The following MLIP variants were observed in gnomAD, a reference collection of about 807,000 sequenced individuals.
The protein encoded by MLIP is muscular LMNA-interacting protein.
A neutral mutation model predicts 84.8 loss-of-function variants in MLIP; 79 were observed. The ratio of observed to expected loss-of-function variants is 0.93; its 90% confidence interval spans 0.78 to 1.12. The LOEUF (loss-of-function observed/expected upper bound fraction) is 1.12, where lower values mean the gene tolerates loss of function less well. MLIP is among the 50% of genes most tolerant of loss of function. MLIP has a pLI of 0.00. For synonymous variants in MLIP, 504 were observed against 463.0 expected, an observed-to-expected ratio of 1.09 and a Z score of -1.14; for missense variants, 1,257 against 1,160.6, an observed-to-expected ratio of 1.08 and a Z score of -1.21.
intron 13 of MLIP, among the ~76,000 whole-genome samples, chr6:54,260,833 G>A (rs1029034263): frequency 9.2e-5 from 14 of 151,916 alleles, no homozygotes; most frequent in East Asian, 1.9e-4. Flanking sequence ...AAATTGCTTA[G>A]GATGGGGCTG....
intron 9 of MLIP, among the ~76,000 whole-genome samples, chr6:54,181,294 C>G (rs1322794807): frequency 6.6e-6 from 1 of 152,192 alleles, no homozygotes; most frequent in East Asian, 1.9e-4. Flanking sequence ...ACCAACACCA[C>G]CAGCACATGG....
upstream of MLIP, among the ~76,000 whole-genome samples, chr6:54,109,667 G>A (rs546466493): frequency 1.8e-4 from 27 of 152,060 alleles, no homozygotes; most frequent in South Asian, 4.8e-3. Context: ...TGCCCTCCAG[G>A]TGGCTGTAAC....
chr6:54,155,895 A>C (rs893666393), intron 5 of MLIP, among the ~76,000 whole-genome samples: 8 of 152,076 alleles, frequency 5.3e-5, no homozygotes, highest in African/African-American at 1.9e-4. Context: ...ATTAGTTAAG[A>C]ATTCTTTAAG....
At chr6:54,111,685 T>C in intron 1 of MLIP, 110 bp downstream of exon 1, 2 of 1,111,306 alleles carry the variant, frequency 1.8e-6, no homozygotes, top group East Asian at 2.6e-5. Context: ...GAAGATAAAT[T>C]TGTATGTATA....
chr6:54,148,183 CA>C (rs1450804078), intron 4 of MLIP, among the ~76,000 whole-genome samples: 1 of 152,110 alleles, frequency 6.6e-6, no homozygotes, highest in Non-Finnish European at 1.5e-5. Flanking sequence ...TGGTACTGGC[CA>C]CTGGGGAAGC....
chr6:54,161,810 T>G (rs1308258695), intron 8 of MLIP, among the ~76,000 whole-genome samples: 3 of 151,944 alleles, frequency 2.0e-5, no homozygotes, highest in Non-Finnish European at 4.4e-5. Context: ...AATTGTAATT[T>G]CTGTATTTGA....
At chr6:54,113,196 G>A (rs565095480) in intron 1 of MLIP, among the ~76,000 whole-genome samples, 61 of 152,212 alleles carry the variant, frequency 4.0e-4, no homozygotes, top group African/African-American at 1.4e-3. Flanking sequence ...GGAAAGATAA[G>A]GGAAGGCCTA....
At chr6:54,139,354 C>A (rs910185330) in intron 4 of MLIP, among the ~76,000 whole-genome samples, 1 of 152,006 alleles carries the variant, frequency 6.6e-6, no homozygotes, top group African/African-American at 2.4e-5. Context: ...TGTGATGGAA[C>A]ATGGTTAGTA....
At chr6:54,062,912 G>A (rs1342405182) in intron 1 of MLIP, among the ~76,000 whole-genome samples, 2 of 152,042 alleles carry the variant, frequency 1.3e-5, no homozygotes, top group Non-Finnish European at 1.5e-5. Flanking sequence ...ATTAATATGG[G>A]TCAAATTGGG....
chr6:54,194,787 G>A (rs529136716), intron 10 of MLIP, among the ~76,000 whole-genome samples: 3 of 151,432 alleles, frequency 2.0e-5, no homozygotes, highest in Non-Finnish European at 4.4e-5. Context: ...TGAAAAAACT[G>A]AAGTTTAAAT....
intron 9 of MLIP, among the ~76,000 whole-genome samples, chr6:54,189,110 CA>C (rs1044388191): frequency 4.6e-5 from 7 of 152,046 alleles, no homozygotes; most frequent in African/African-American, 1.7e-4. Flanking sequence ...AACTAGGGAG[CA>C]GGGGGAAATG....
chr6:54,223,329 C>T (rs374147623), intron 11 of MLIP, among the ~76,000 whole-genome samples: 20 of 150,972 alleles, frequency 1.3e-4, no homozygotes, highest in African/African-American at 3.4e-4. Flanking sequence ...ATACCCACAA[C>T]AATGTCAAGC....
intron 1 of MLIP, among the ~76,000 whole-genome samples, chr6:54,080,536 A>G (rs928534604): frequency 2.0e-5 from 3 of 151,994 alleles, no homozygotes; most frequent in Non-Finnish European, 1.5e-5. Flanking sequence ...TTCAAAAAAT[A>G]ATTGTAAATG....
chr6:54,093,727 A>G (rs891306390), intron 1 of MLIP, among the ~76,000 whole-genome samples: 10 of 152,190 alleles, frequency 6.6e-5, no homozygotes, highest in African/African-American at 2.4e-4. Flanking sequence ...GCACAGGCAC[A>G]CTTATTCCCT....
chr6:54,244,342 T>A (rs183332291), intron 12 of MLIP, among the ~76,000 whole-genome samples: 59 of 152,276 alleles, frequency 3.9e-4, no homozygotes, highest in Non-Finnish European at 7.2e-4. Flanking sequence ...GAAAAAAGAC[T>A]TTATCAAATA....
At chr6:54,053,039 A>G (rs1390900460) in intron 1 of MLIP, among the ~76,000 whole-genome samples, 5 of 152,206 alleles carry the variant, frequency 3.3e-5, no homozygotes, top group African/African-American at 1.2e-4. Flanking sequence ...TGCTTTGTGC[A>G]TCATCTTCTC....
chr6:54,041,028 C>A (rs571542055), intron 1 of MLIP: 1 of 152,074 alleles, frequency 6.6e-6, no homozygotes, highest in South Asian at 2.1e-4. Flanking sequence ...CAAAATGTAC[C>A]CATGTAACAA....
chr6:54,135,747 G>T (rs1169819516), intron 3 of MLIP, among the ~76,000 whole-genome samples: 3 of 151,830 alleles, frequency 2.0e-5, no homozygotes, highest in African/African-American at 4.8e-5. Context: ...TGACTTTTAA[G>T]GGAAAGTTCT....
intron 1 of MLIP, among the ~76,000 whole-genome samples, chr6:54,044,203 A>G (rs1046818985): frequency 2.6e-5 from 4 of 152,216 alleles, no homozygotes; most frequent in East Asian, 1.9e-4. Context: ...AAATGTGCCA[A>G]TTACCATGGT....
Sources: gnomAD v4.1 joint callset for allele counts (sites outside exome capture counted in the v4.1 genomes callset) on GRCh38, gnomAD v4.1.1 for gene constraint, MANE v1.5 for transcripts, NCBI Gene and HGNC (gene_info 2026-07-23, HGNC 2026-07-21) for gene names.